The following CTNNA2 variants were observed in gnomAD, a reference collection of about 807,000 sequenced individuals.
CTNNA2 encodes catenin alpha 2, also known as catenin alpha-2.
CTNNA2 carries 42 observed loss-of-function variants against 101.0 expected under a neutral mutation model. That is an observed-to-expected ratio of 0.42 (90% CI 0.32 to 0.54). The LOEUF (loss-of-function observed/expected upper bound fraction) is 0.54. Ranked by LOEUF, CTNNA2 falls within the 20% of genes least tolerant of loss-of-function variation. CTNNA2 has a pLI of 0.14. For synonymous variants in CTNNA2, 450 were observed against 456.4 expected (o/e 0.99, Z 0.18); for missense variants, 871 against 1,223.1 (o/e 0.71, Z 4.29).
intron 7 of CTNNA2, among the ~76,000 whole-genome samples, chr2:80,362,676 G>T (rs1002479860): frequency 2.6e-5 from 4 of 151,952 alleles, no homozygotes; most frequent in Non-Finnish European, 5.9e-5. Context: ...GAATCTTTTT[G>T]CAACAAAAAT....
chr2:80,124,100 T>C (rs1160020527), intron 7 of CTNNA2, among the ~76,000 whole-genome samples: 1 of 152,112 alleles, frequency 6.6e-6, no homozygotes, highest in East Asian at 1.9e-4. Context: ...ATCCCTATAG[T>C]TTTGGCTTAG....
chr2:80,141,786 T>C (rs909338350), intron 7 of CTNNA2, among the ~76,000 whole-genome samples: 1 of 151,820 alleles, frequency 6.6e-6, no homozygotes, highest in African/African-American at 2.4e-5. Context: ...AAGAAGGTAA[T>C]AGTAGCTTAA....
chr2:79,866,136 C>G (rs550723492), intron 4 of CTNNA2, among the ~76,000 whole-genome samples: 1 of 152,266 alleles, frequency 6.6e-6, no homozygotes, highest in Admixed American at 6.5e-5. Context: ...AGTAGACAGG[C>G]TTGCTTTAGG....
chr2:79,381,655 AACTG>A (rs1678040587), intron 4 of CTNNA2, among the ~76,000 whole-genome samples: 2 of 152,176 alleles, frequency 1.3e-5, no homozygotes, highest in South Asian at 4.1e-4. Context: ...TCAATTGAGG[AACTG>A]ACTAAGGTTT....
intron 7 of CTNNA2, chr2:80,304,655 G>C (rs1482447054): frequency 1.3e-5 from 2 of 153,000 alleles, no homozygotes; most frequent in African/African-American, 2.4e-5. Context: ...AGGTGCGGAC[G>C]GCGGCGCGGG....
At chr2:80,107,927 G>A (rs543005681) in intron 7 of CTNNA2, among the ~76,000 whole-genome samples, 6 of 152,298 alleles carry the variant, frequency 3.9e-5, no homozygotes, top group Admixed American at 1.3e-4. Flanking sequence ...TGAGTGGGGC[G>A]GGCAGAGTAA....
intron 7 of CTNNA2, among the ~76,000 whole-genome samples, chr2:80,233,146 T>C (rs1484799461): frequency 6.6e-6 from 1 of 152,178 alleles, no homozygotes; most frequent in Non-Finnish European, 1.5e-5. Flanking sequence ...TAATGGTAAC[T>C]GTAGGTCTGC....
intron 2 of CTNNA2, among the ~76,000 whole-genome samples, chr2:79,705,976 G>A (rs1685330213): frequency 6.6e-6 from 1 of 152,174 alleles, no homozygotes; most frequent in African/African-American, 2.4e-5. Context: ...AAGTTAGTCA[G>A]GTGGGAAAGA....
chr2:80,291,073 G>A (rs1160062987), intron 7 of CTNNA2, among the ~76,000 whole-genome samples: 1 of 152,156 alleles, frequency 6.6e-6, no homozygotes, highest in Non-Finnish European at 1.5e-5. Context: ...AACAAGGTGT[G>A]GCTTGAAACA....
chr2:79,270,131 G>T (rs1374455694), intron 2 of CTNNA2, among the ~76,000 whole-genome samples: 1 of 152,010 alleles, frequency 6.6e-6, no homozygotes, highest in Non-Finnish European at 1.5e-5. Context: ...CTCAGCCCAG[G>T]AAATCTTGGG....
intron 18 of CTNNA2, among the ~76,000 whole-genome samples, chr2:80,623,176 G>C (rs1168349137): frequency 6.6e-6 from 1 of 151,250 alleles, no homozygotes; most frequent in Non-Finnish European, 1.5e-5. Context: ...TAGAAATAAA[G>C]CATCAGTCAG....
intron 1 of CTNNA2, among the ~76,000 whole-genome samples, chr2:79,560,372 T>G (rs1674701205): frequency 6.6e-6 from 1 of 151,900 alleles, no homozygotes; most frequent in African/African-American, 2.4e-5. Context: ...ATGGAAAGAA[T>G]AAACAGGTGG....
rs1200954556 is a variant in CTNNA2 at position 80,589,900 on chromosome 2, G to GC, written c.2189+415_2189+416insC. Among the ~76,000 whole-genome samples the GC allele has an allele frequency of 3.2e-3, 470 of 149,146 alleles. 5 individuals are homozygous for GC. Among genetic ancestry groups the GC allele is most frequent in the African/African-American group, 9.4e-3 (378 of 40,134 alleles). On this transcript the variant is annotated intron_variant, in intron 15 of 18. Transcript: ENST00000402739. ...TGTGTGTGTGTGTGTGTGTGTGTGT[G>GC]TGTGTGCGCGCGCGCGCATGTATAC...
intron 13 of CTNNA2, among the ~76,000 whole-genome samples, chr2:80,577,195 C>G (rs1158202638): frequency 6.6e-6 from 1 of 152,004 alleles, no homozygotes. Context: ...AAGTCTCTAC[C>G]CTCACAGGAT....
intron 7 of CTNNA2, among the ~76,000 whole-genome samples, chr2:80,361,131 G>A (rs982265872): frequency 1.3e-5 from 2 of 151,778 alleles, no homozygotes; most frequent in African/African-American, 4.8e-5. Context: ...AATTTTTGTA[G>A]GCTACAAATT....
At chr2:79,222,086 G>A (rs762181582) in intron 2 of CTNNA2, among the ~76,000 whole-genome samples, 3 of 152,128 alleles carry the variant, frequency 2.0e-5, no homozygotes, top group Non-Finnish European at 4.4e-5. Context: ...TCTCAGAACT[G>A]GCTGTGTTCA....
intron 7 of CTNNA2, among the ~76,000 whole-genome samples, chr2:80,310,917 G>C (rs972297681): frequency 1.4e-5 from 2 of 146,792 alleles, no homozygotes; most frequent in African/African-American, 2.6e-5. Context: ...ATGTTGCAGT[G>C]ATCTGAGATC....
chr2:79,486,868 T>C (rs758962727), intron 4 of CTNNA2, among the ~76,000 whole-genome samples: 8 of 152,194 alleles, frequency 5.3e-5, no homozygotes, highest in Non-Finnish European at 1.0e-4. Context: ...ACTTTCGTAT[T>C]GCTGGTATAA....
chr2:80,256,538 A>G (rs79726929), intron 7 of CTNNA2, among the ~76,000 whole-genome samples: 8,745 of 152,148 alleles, frequency 0.057, 276 homozygotes, highest in Middle Eastern at 0.082. Context: ...TGCACCATCT[A>G]GGGAAAAAAA....
Sources: allele counts gnomAD v4.1 joint callset (sites outside exome capture counted in the v4.1 genomes callset), GRCh38; gene constraint gnomAD v4.1.1; transcripts MANE v1.5; gene names NCBI Gene and HGNC (gene_info 2026-07-23, HGNC 2026-07-21).